The following UBR1 variants were observed in gnomAD, a reference collection of about 807,000 sequenced individuals.
UBR1 encodes the protein E3 ubiquitin-protein ligase UBR1.
In UBR1, 102 loss-of-function variants were observed where a neutral mutation model predicts 242.1. That is an observed-to-expected ratio of 0.42 (90% CI 0.36 to 0.50). The LOEUF (loss-of-function observed/expected upper bound fraction) is 0.50, where lower values mean the gene tolerates loss of function less well. Among genes scored for constraint, UBR1 ranks in the 20% least tolerant of loss-of-function variants. UBR1 has a pLI of 0.01. For synonymous variants in UBR1, 675 were observed against 684.8 expected, an observed-to-expected ratio of 0.99 and a Z score of 0.22; for missense variants, 1,772 against 2,101.8, an observed-to-expected ratio of 0.84 and a Z score of 3.07.
chr15:43,002,130 T>C (rs1460474342), intron 32 of UBR1, among the ~76,000 whole-genome samples: 1 of 152,160 alleles, frequency 6.6e-6, no homozygotes, highest in African/African-American at 2.4e-5. Flanking sequence ...TAATACAAGA[T>C]ATAAAATGAA....
chr15:42,989,580 T>C (rs1193564666), intron 34 of UBR1, among the ~76,000 whole-genome samples: 2 of 152,172 alleles, frequency 1.3e-5, no homozygotes, highest in Non-Finnish European at 2.9e-5. Context: ...ATTACATCTC[T>C]CCAATAACCT....
intron 21 of UBR1, 151 bp from the exon 22 acceptor site, chr15:43,027,979 C>A: frequency 2.8e-6 from 2 of 725,058 alleles, no homozygotes; most frequent in Non-Finnish European, 4.6e-6. Flanking sequence ...AGGTCTAAAA[C>A]CAATTATCTA....
At chr15:43,102,274 C>T (rs1027603794) in intron 1 of UBR1, among the ~76,000 whole-genome samples, 4 of 152,164 alleles carry the variant, frequency 2.6e-5, no homozygotes, top group African/African-American at 9.7e-5. Flanking sequence ...CCAAGGATAA[C>T]CTTTCCAGTG....
chr15:43,072,548 C>T (rs1339595268), intron 4 of UBR1, among the ~76,000 whole-genome samples: 1 of 152,198 alleles, frequency 6.6e-6, no homozygotes, highest in Non-Finnish European at 1.5e-5. Flanking sequence ...CTTGGTAGAA[C>T]CTCCAATACA....
chr15:42,983,841 T>C lies in UBR1; in HGVS notation c.4150+56A>G, dbSNP rs566413696. 348 of 1,074,376 alleles carry C rather than the reference T, an allele frequency of 3.2e-4. No individual in the cohort carries two copies. In the African/African-American group the frequency reaches 5.5e-3, roughly 17 times the overall value. 66.6% of individuals were successfully genotyped at this position (1,074,376 alleles called of 1,614,324 possible). Reference sequence around the variant, plus strand: ...ATGAAATACACTGCCAGAAATGCAATAGAAAAAGATATATAAATAATATAA... The same window carrying C: ...ATGAAATACACTGCCAGAAATGCAACAGAAAAAGATATATAAATAATATAA... On this transcript the variant is annotated intron_variant, in intron 37 of 46. Coordinates refer to ENST00000290650, the MANE Select transcript of UBR1 (RefSeq NM_174916.3).
intron 1 of UBR1, among the ~76,000 whole-genome samples, chr15:43,093,935 C>G (rs1302862107): frequency 6.6e-6 from 1 of 151,586 alleles, no homozygotes. Context: ...ATGAAGATAA[C>G]TATTACGTCT....
chr15:43,035,164 A>G (rs1042875042), intron 19 of UBR1, among the ~76,000 whole-genome samples: 2 of 152,200 alleles, frequency 1.3e-5, no homozygotes, highest in Non-Finnish European at 2.9e-5. Flanking sequence ...GTTGTTAAGC[A>G]TAGGAAGCAG....
intron 17 of UBR1, 66 bp downstream of exon 17, chr15:43,037,707 T>C (rs1399818608): frequency 7.2e-7 from 1 of 1,393,726 alleles, no homozygotes; most frequent in Non-Finnish European, 1.0e-6. Flanking sequence ...CAGGGTAAAA[T>C]CATATAAGAG....
In UBR1 at chr15:43,070,826, C is replaced by T. The variant is rs1361453557; in HGVS notation, c.628G>A (p.Glu210Lys). The change falls in exon 5 of 47, where the codon GAA becomes AAA. Residue 210 changes from glutamate (E) to lysine (K), a missense_variant. By Grantham distance (56) the Glu-to-Lys change is moderately conservative. This residue lies in a region of UBR1 where 734 missense variants were observed against 893.3 expected (regional missense o/e 0.82). Coordinates refer to ENST00000290650, the MANE Select transcript of UBR1 (RefSeq NM_174916.3). ...YVVEMTIWEE[E>K]KELPPELQIR... ...TGGAGTTCAGGAGGCAGTTCTTTTT[C>T]CTCTTCCCATATAGTCATTTCTACG... The T allele has an allele frequency of 2.5e-6, 4 of 1,613,692 alleles. No individual in the cohort carries two copies. The highest frequency in any genetic ancestry group is 3.3e-5 in the Admixed American group (2 of 60,016).
Position 43,026,605 on chromosome 15 carries a change from A to C in UBR1, c.2491T>G (p.Phe831Val), listed in dbSNP as rs980100953. The part of the protein sequence containing the change: ...YELKDESLKD[F>V]NMYFYHYSKT... ...GAGTAATGATAAAAGTACATATTGAAGTCTTTCAGTGATTCATCTTTTAGT... is the reference window on the plus strand; with the variant it reads ...GAGTAATGATAAAAGTACATATTGACGTCTTTCAGTGATTCATCTTTTAGT... The change falls in exon 23 of 47, where the codon TTC becomes GTC. Residue 831 changes from phenylalanine (F) to valine (V), a missense_variant. Phe to Val is a conservative substitution (Grantham distance 50). Coordinates refer to ENST00000290650, the MANE Select transcript of UBR1 (RefSeq NM_174916.3). 7 of 1,613,460 alleles carry C rather than the reference A, an allele frequency of 4.3e-6. No individual in the cohort carries two copies. The highest frequency in any genetic ancestry group is 5.9e-6 in the Non-Finnish European group (7 of 1,179,740).
In UBR1 at chr15:43,036,512, C is replaced by T. The variant is rs1290051050; in HGVS notation, c.2088+16G>A. 2 of 1,559,234 alleles carry T rather than the reference C, an allele frequency of 1.3e-6. No individual in the cohort carries two copies. The highest frequency in any genetic ancestry group is 2.2e-5 in the East Asian group (1 of 44,468). ...AAGATGAAGACACAAATATCAGAAA[C>T]AATTTAAATAGGTACCTGAAGCATG... On this transcript the variant is annotated intron_variant, in intron 18 of 46. Coordinates refer to ENST00000290650, the MANE Select transcript of UBR1 (RefSeq NM_174916.3).
chr15:43,002,427 C>T, intron 32 of UBR1, 128 bp downstream of exon 32: 1 of 1,069,052 alleles, frequency 9.4e-7, no homozygotes, highest in Non-Finnish European at 1.4e-6. Flanking sequence ...TACCATGTTA[C>T]CCAGGCTGGT....
At chr15:43,014,339 G>A (rs1173623611) in intron 29 of UBR1, among the ~76,000 whole-genome samples, 7 of 151,788 alleles carry the variant, frequency 4.6e-5, no homozygotes, top group East Asian at 2.0e-4. Flanking sequence ...CTGCCTGGCC[G>A]CGCATCGTCT....
intron 10 of UBR1, 61 bp downstream of exon 10, chr15:43,058,280 T>C (rs1331361089): frequency 2.0e-6 from 2 of 1,024,232 alleles, no homozygotes; most frequent in East Asian, 2.6e-5. Context: ...CCTGTTTCTA[T>C]TAATTCATTT....
At chr15:42,970,494 G>C in intron 40 of UBR1, 26 bp downstream of exon 40, 1 of 1,591,292 alleles carries the variant, frequency 6.3e-7, no homozygotes, top group Non-Finnish European at 8.6e-7. Context: ...TATTACAATA[G>C]ACTGAACTAA....
intron 15 of UBR1, among the ~76,000 whole-genome samples, chr15:43,039,739 G>C (rs1052125452): frequency 1.3e-5 from 2 of 152,166 alleles, no homozygotes; most frequent in African/African-American, 4.8e-5. Context: ...GTGAGAGAAG[G>C]CATCCTTGTC....
intron 1 of UBR1, among the ~76,000 whole-genome samples, chr15:43,094,771 C>T (rs1382680736): frequency 2.6e-5 from 4 of 152,196 alleles, no homozygotes; most frequent in Admixed American, 2.0e-4. Context: ...GTTATCCCTA[C>T]CAGCCTTGTG....
rs574381201 is a variant in UBR1 at position 42,946,024 on chromosome 15, C to T, written c.5109-554G>A. Among the ~76,000 whole-genome samples the T allele has an allele frequency of 1.1e-4, 16 of 152,278 alleles. No homozygotes were observed. The East Asian group carries it at 2.3e-3, about 22-fold the overall frequency. ...TTTTAACACTGTATAACAGCTAATC[C>T]AAAATGACTTAAGTCTGGCTGTTGC... On this transcript the variant is annotated intron_variant, in intron 46 of 46. Coordinates refer to ENST00000290650, the MANE Select transcript of UBR1 (RefSeq NM_174916.3).
intron 21 of UBR1, among the ~76,000 whole-genome samples, chr15:43,029,613 C>G (rs2141310104): frequency 6.6e-6 from 1 of 152,306 alleles, no homozygotes; most frequent in East Asian, 1.9e-4. Context: ...AGATCCCTTA[C>G]CATTGCCTTT....
Sources: gnomAD v4.1 joint callset for allele counts (sites outside exome capture counted in the v4.1 genomes callset) on GRCh38, gnomAD v4.1.1 for gene constraint, gnomAD v4.1.1 regional missense constraint, MANE v1.5 for transcripts, NCBI Gene and HGNC (gene_info 2026-07-23, HGNC 2026-07-21) for gene names.